TRIM14: variants seen among roughly 807,000 people sequenced by gnomAD.
TRIM14 encodes the protein tripartite motif containing 14.
TRIM14 carries 28 observed loss-of-function variants against 44.5 expected under a neutral mutation model. That is an observed-to-expected ratio of 0.63 (90% CI 0.47 to 0.86). The LOEUF (loss-of-function observed/expected upper bound fraction) is 0.86. TRIM14 is among the 40% of genes least tolerant of loss of function. The pLI, the probability that TRIM14 is intolerant of heterozygous loss-of-function variation, is 0.00. For missense variants in TRIM14, 607 were observed against 611.1 expected, an observed-to-expected ratio of 0.99 and a Z score of 0.07; for synonymous variants, 299 against 269.2, an observed-to-expected ratio of 1.11 and a Z score of -1.08.
chr9:98,091,807 T>A, intron 5 of TRIM14, 102 bp downstream of exon 5: 20 of 535,056 alleles, frequency 3.7e-5, no homozygotes, highest in South Asian at 6.8e-5. Context: ...AAATAAATTC[T>A]AATGAGAAAA....
At chr9:98,103,044 G>A (rs939112535) in intron 2 of TRIM14, among the ~76,000 whole-genome samples, 8 of 151,934 alleles carry the variant, frequency 5.3e-5, no homozygotes, top group South Asian at 4.1e-4. Flanking sequence ...AAAATTAGCC[G>A]GGCGTGTGGC....
chr9:98,102,823 A>G (rs1677626842), intron 2 of TRIM14, among the ~76,000 whole-genome samples: 1 of 152,224 alleles, frequency 6.6e-6, no homozygotes, highest in Non-Finnish European at 1.5e-5. Flanking sequence ...AAAATGGTTA[A>G]AATGGCAAAT....
At chr9:98,067,991 G>A (rs572142064), downstream of TRIM14, among the ~76,000 whole-genome samples, 1 of 152,150 alleles carries the variant, frequency 6.6e-6, no homozygotes, top group East Asian at 1.9e-4. Context: ...CAAAGTGCTG[G>A]GATTACAGGC....
the TRIM14 span, chr9:98,057,027 C>A: frequency 7.0e-7 from 1 of 1,429,450 alleles, no homozygotes; most frequent in Non-Finnish European, 9.2e-7. Context: ...ACGGCCTCCG[C>A]GGCTGGGTAC....
intron 6 of TRIM14, chr9:98,078,408 T>C (rs1587926902): frequency 1.9e-6 from 3 of 1,547,178 alleles, no homozygotes; most frequent in East Asian, 4.5e-5. Context: ...GCGTAGTCTT[T>C]TTTATAACCA....
chr9:98,053,701 T>A, the TRIM14 span, among the ~76,000 whole-genome samples: 614 of 152,172 alleles, frequency 4.0e-3, 9 homozygotes, highest in African/African-American at 0.013. Context: ...TTTGCCGGCA[T>A]ACCAGGTTTC....
intron 5 of TRIM14, among the ~76,000 whole-genome samples, chr9:98,091,110 T>C (rs182974091): frequency 3.3e-5 from 5 of 152,320 alleles, no homozygotes; most frequent in Admixed American, 2.6e-4. Context: ...TAAAAAATAA[T>C]CTGAAAATGA....
downstream of TRIM14, among the ~76,000 whole-genome samples, chr9:98,065,998 G>A (rs1164364579): frequency 6.6e-6 from 1 of 152,120 alleles, no homozygotes; most frequent in Non-Finnish European, 1.5e-5. Flanking sequence ...ACTTTGAGAA[G>A]CACTTTCATT....
intron 2 of TRIM14, among the ~76,000 whole-genome samples, chr9:98,109,521 T>C (rs1460085246): frequency 6.6e-6 from 1 of 152,232 alleles, no homozygotes; most frequent in Non-Finnish European, 1.5e-5. Context: ...AGCATGGCAG[T>C]GGAATTAAAG....
the TRIM14 span, chr9:98,056,781 G>A: frequency 1.2e-6 from 2 of 1,607,836 alleles, no homozygotes; most frequent in South Asian, 1.1e-5. Context: ...CAGACTGGTA[G>A]TGAGGCTTTG....
At chr9:98,068,294 C>G (rs1264488106), downstream of TRIM14, among the ~76,000 whole-genome samples, 3 of 151,980 alleles carry the variant, frequency 2.0e-5, no homozygotes, top group East Asian at 5.8e-4. Context: ...ACCACCATGC[C>G]CAGCTAATTT....
At chr9:98,059,108 C>T in the TRIM14 span, among the ~76,000 whole-genome samples, 2 of 151,944 alleles carry the variant, frequency 1.3e-5, 1 homozygote, top group Admixed American at 1.3e-4. Flanking sequence ...ACTGCAAGCT[C>T]CGCCTCCTGG....
rs975032003 is a variant in TRIM14, at chr9:98,095,836, C to T, written c.538-807G>A. Among the ~76,000 whole-genome samples, 17 of 152,244 alleles carry T rather than the reference C, an allele frequency of 1.1e-4. No homozygotes were observed. Among genetic ancestry groups the T allele is most frequent in the African/African-American group, 2.9e-4 (12 of 41,530 alleles). Reference sequence around the variant, plus strand: ...GTGATGTCTTGCCCAGCAGGGGTGCCGTGGGGCCTATACTGGCACCAACCC... The same window carrying T: ...GTGATGTCTTGCCCAGCAGGGGTGCTGTGGGGCCTATACTGGCACCAACCC... On this transcript the variant is annotated intron_variant, in intron 3 of 5. Coordinates refer to ENST00000341469, the MANE Select transcript of TRIM14 (RefSeq NM_014788.4). This position sits in a 1 kb window ranked among gnomAD's most constrained non-coding sequence, Gnocchi z 4.1.
chr9:98,079,645 C>T (rs542428362), downstream of TRIM14, among the ~76,000 whole-genome samples: 16 of 152,308 alleles, frequency 1.1e-4, no homozygotes, highest in Non-Finnish European at 2.1e-4. Flanking sequence ...CCCCTGCACT[C>T]CCATCCCACA....
chr9:98,065,483 A>ATTTTTTTTTTTTTTTT (rs397837187), downstream of TRIM14, among the ~76,000 whole-genome samples: 33 of 58,632 alleles, frequency 5.6e-4, 1 homozygote, highest in African/African-American at 8.5e-4. Context: ...TGCCCAGCTA[A>ATTTTTTTTTTTTTTTT]TTTTTTTTTT....
At chr9:98,079,075 A>G (rs1829730905) in intron 6 of TRIM14, among the ~76,000 whole-genome samples, 1 of 151,968 alleles carries the variant, frequency 6.6e-6, no homozygotes, top group Non-Finnish European at 1.5e-5. Context: ...GACAGCCTTG[A>G]TGGAAATTAC....
At chr9:98,093,032 T>C (rs1826054250) in intron 4 of TRIM14, among the ~76,000 whole-genome samples, 2 of 152,324 alleles carry the variant, frequency 1.3e-5, no homozygotes, top group South Asian at 4.1e-4. Flanking sequence ...TAGGTCCTAC[T>C]GCCGAGGCGA....
Position 98,087,012 on chromosome 9 carries a change from A to G in TRIM14, c.*458T>C, listed in dbSNP as rs1176579432. The G allele has an allele frequency of 3.7e-6, 1 of 272,818 alleles. No homozygotes were observed. The highest frequency in any genetic ancestry group is 7.3e-6 in the Non-Finnish European group (1 of 137,182). The allele number at this position is 272,818 out of a possible 1,614,324, so 16.9% of individuals were successfully genotyped here. On this transcript the variant is annotated 3_prime_UTR_variant, in exon 6 of 6. Coordinates refer to ENST00000341469, the MANE Select transcript of TRIM14 (RefSeq NM_014788.4). ...GGACACGCTGAAATCGGTGGGGAGGAAGCGGAAGATTCAAGGGACCTCAAG... is the reference window on the plus strand; with the variant it reads ...GGACACGCTGAAATCGGTGGGGAGGGAGCGGAAGATTCAAGGGACCTCAAG...
At chr9:98,041,608 C>T in the TRIM14 span, among the ~76,000 whole-genome samples, 1 of 152,088 alleles carries the variant, frequency 6.6e-6, no homozygotes, top group Non-Finnish European at 1.5e-5. Flanking sequence ...TCTCCTGCCT[C>T]AGCCTCTGGA....
Sources: gnomAD v4.1 joint callset for allele counts (sites outside exome capture counted in the v4.1 genomes callset) on GRCh38, gnomAD v4.1.1 for gene constraint, Gnocchi (gnomAD v3.1) non-coding constraint, MANE v1.5 for transcripts, NCBI Gene and HGNC (gene_info 2026-07-23, HGNC 2026-07-21) for gene names.